MIAT: variants seen among roughly 807,000 people sequenced by gnomAD.
The protein encoded by MIAT is MI related novel mRNA.
exon 4 of MIAT, chr22:26,666,643 GGAGT>G: frequency 2.5e-6 from 1 of 398,658 alleles, no homozygotes; most frequent in East Asian, 3.6e-5. Context: ...TGGGAAACAG[GGAGT>G]GAGTGAAGGG....
In MIAT at chr22:26,654,519, C is replaced by A. The variant is rs1014362277; in HGVS notation, n.646+7208C>A. 5.3e-5 allele frequency among the ~76,000 whole-genome samples: 8 copies of A among 152,168 alleles called. No homozygotes were observed. The East Asian group carries it at 1.4e-3, about 26-fold the overall frequency. ...ATGTGTCATGCCAAATTATATTTCC[C>A]TTTTTGTTTGTGTCTAGGGAGACTA... On this transcript the variant is annotated intron_variant and non_coding_transcript_variant, in intron 2 of 5. Transcript: ENST00000643270.
intron 2 of MIAT, among the ~76,000 whole-genome samples, chr22:26,657,942 A>C (rs1354261630): frequency 1.3e-5 from 2 of 152,188 alleles, no homozygotes; most frequent in Non-Finnish European, 2.9e-5. Context: ...AATCATGATT[A>C]TGAGGGGGAA....
intron 2 of MIAT, among the ~76,000 whole-genome samples, chr22:26,655,857 T>C (rs181900816): frequency 6.6e-5 from 10 of 152,254 alleles, no homozygotes; most frequent in Admixed American, 2.0e-4. Context: ...AATTTTTTTG[T>C]ATTTTTTGTG....
At chr22:26,670,479 G>A (rs1931003046), downstream of MIAT, 3 of 398,210 alleles carry the variant, frequency 7.5e-6, no homozygotes, top group South Asian at 3.8e-4. Flanking sequence ...GCTGCAGTCT[G>A]GAACAGCTTC....
intron 5 of MIAT, chr22:26,667,841 G>C (rs4822766): frequency 0.19 from 37,206 of 196,776 alleles, 4,158 homozygotes; most frequent in Non-Finnish European, 0.23. Context: ...ACCATGCCTG[G>C]CTTATTTTTT....
chr22:26,652,364 A>T (rs1255750991), intron 2 of MIAT, among the ~76,000 whole-genome samples: 6 of 146,486 alleles, frequency 4.1e-5, no homozygotes, highest in African/African-American at 1.5e-4. Flanking sequence ...TCATTCATTT[A>T]TTTTTTTTTT....
chr22:26,653,565 G>T (rs1930375225), intron 2 of MIAT, among the ~76,000 whole-genome samples: 1 of 152,090 alleles, frequency 6.6e-6, no homozygotes, highest in African/African-American at 2.4e-5. Context: ...GCAGAAAAAA[G>T]CAATCACGTA....
At chr22:26,664,714 CTT>C (rs1930784206) in intron 3 of MIAT, among the ~76,000 whole-genome samples, 4 of 152,170 alleles carry the variant, frequency 2.6e-5, no homozygotes, top group Non-Finnish European at 5.9e-5. Context: ...AGTAGATTCC[CTT>C]ATGTGGATAA....
chr22:26,673,764 A>G (rs554546477), downstream of MIAT: 188 of 398,748 alleles, frequency 4.7e-4, no homozygotes, highest in African/African-American at 3.3e-3. Context: ...CAGAACAATC[A>G]GAAGTCGGTA....
downstream of MIAT, chr22:26,673,809 C>G: frequency 2.5e-6 from 1 of 398,606 alleles, no homozygotes. Context: ...TGCCAGGGCT[C>G]TGGTGTGGAC....
At chr22:26,671,071 C>T (rs138045412), downstream of MIAT, 817 of 398,170 alleles carry the variant, frequency 2.1e-3, 5 homozygotes, top group African/African-American at 0.015. Context: ...AGATCTTTTG[C>T]GGAGAGATGC....
intron 2 of MIAT, among the ~76,000 whole-genome samples, chr22:26,655,005 C>T (rs1401564956): frequency 1.3e-5 from 2 of 152,224 alleles, no homozygotes; most frequent in Admixed American, 1.3e-4. Flanking sequence ...AGCTGCTGCG[C>T]CCGGCCAAAA....
intron 2 of MIAT, chr22:26,657,234 G>C (rs1036243608): frequency 3.0e-6 from 1 of 336,636 alleles, no homozygotes; most frequent in African/African-American, 2.1e-5. Flanking sequence ...ACAGCGCCGC[G>C]GGTGGGGATG....
exon 4 of MIAT, chr22:26,666,437 T>C: frequency 2.5e-6 from 1 of 398,610 alleles, no homozygotes; most frequent in Non-Finnish European, 4.4e-6. Flanking sequence ...TTCCCATCCA[T>C]TGCTTCAAAC....
chr22:26,647,920 G>A (rs1052759151), intron 2 of MIAT, among the ~76,000 whole-genome samples: 4 of 152,058 alleles, frequency 2.6e-5, no homozygotes, highest in Admixed American at 6.6e-5. Flanking sequence ...GGGTGAGTGT[G>A]AAACTGGAGG....
exon 6 of MIAT, chr22:26,669,260 A>T (rs1305380867): frequency 1.8e-5 from 7 of 398,558 alleles, no homozygotes; most frequent in Non-Finnish European, 3.1e-5. Context: ...ACTATTCATC[A>T]GCTTGGGCTG....
intron 2 of MIAT, chr22:26,650,196 G>A (rs1930312491): frequency 6.6e-6 from 1 of 152,190 alleles, no homozygotes; most frequent in African/African-American, 2.4e-5. Context: ...ATGTCCTTAT[G>A]AGAAGAGGGA....
chr22:26,648,931 C>CAGAGAGAGAGAG (rs60141294), intron 2 of MIAT, among the ~76,000 whole-genome samples: 13 of 149,094 alleles, frequency 8.7e-5, no homozygotes, highest in Non-Finnish European at 1.0e-4. Context: ...GAGAGCGAGA[C>CAGAGAGAGAGAG]AGAGAGAGAG....
chr22:26,672,276 T>G (rs1224714178), downstream of MIAT: 1 of 399,002 alleles, frequency 2.5e-6, no homozygotes, highest in Non-Finnish European at 4.4e-6. Flanking sequence ...CCCCCTCCTT[T>G]TGGCAAGCAG....
Sources: gnomAD v4.1 joint callset for allele counts (sites outside exome capture counted in the v4.1 genomes callset) on GRCh38, gnomAD v4.1.1 for gene constraint, MANE v1.5 for transcripts, NCBI Gene and HGNC (gene_info 2026-07-23, HGNC 2026-07-21) for gene names.